KCNQ1: variants seen among roughly 807,000 people sequenced by gnomAD.
The protein encoded by KCNQ1 is potassium voltage-gated channel subfamily Q member 1, also known as potassium voltage-gated channel subfamily KQT member 1.
A neutral mutation model predicts 72.4 loss-of-function variants in KCNQ1; 49 were observed. The observed-to-expected ratio is 0.68, with a 90% confidence interval of 0.54 to 0.86. The LOEUF (loss-of-function observed/expected upper bound fraction) is 0.86, where lower values mean the gene tolerates loss of function less well. KCNQ1 is among the 40% of genes least tolerant of loss of function. KCNQ1 has a pLI of 0.00. For synonymous variants in KCNQ1, 450 were observed against 412.6 expected (o/e 1.09, Z -1.10); for missense variants, 790 against 945.1 (o/e 0.84, Z 2.15).
chr11:2,847,888 C>A lies in KCNQ1; in HGVS notation c.1916C>A (p.Thr639Asn), dbSNP rs1248824762. Reference protein sequence around the residue: ...GPPREGGAHITQPCGSGGSVD... With the variant: ...GPPREGGAHINQPCGSGGSVD... Reference sequence around the variant, plus strand: ...CCCAGAGAGGGCGGGGCCCACATCACCCAGCCCTGCGGCAGTGGCGGCTCC... The same window carrying A: ...CCCAGAGAGGGCGGGGCCCACATCAACCAGCCCTGCGGCAGTGGCGGCTCC... The change falls in exon 16 of 16, where the codon ACC becomes AAC. Residue 639 changes from threonine (T) to asparagine (N), a missense_variant. Coordinates refer to ENST00000155840, the MANE Select transcript of KCNQ1 (RefSeq NM_000218.3). 1 of 1,582,978 alleles carries A rather than the reference C, an allele frequency of 6.3e-7. No individual in the cohort carries two copies.
At chr11:2,743,472 C>T (rs1313967759) in intron 11 of KCNQ1, among the ~76,000 whole-genome samples, 2 of 152,334 alleles carry the variant, frequency 1.3e-5, no homozygotes, top group South Asian at 2.1e-4. Context: ...TGTCAGTTTG[C>T]CTGCCGGCTG....
rs548105926 is a variant in KCNQ1 at position 2,497,844 on chromosome 11, G to C, written c.387-30084G>C. Among the ~76,000 whole-genome samples, 87 of 152,132 alleles carry C rather than the reference G, an allele frequency of 5.7e-4. No individual in the cohort carries two copies. Among genetic ancestry groups the C allele is most frequent in the Non-Finnish European group, 1.1e-3 (72 of 68,028 alleles). Reference sequence around the variant, plus strand: ...CTTTGAGGCTGATGACCTTTGGATGGGGTTTTTGTGTGGGGGGTCCCTTTT... The same window carrying C: ...CTTTGAGGCTGATGACCTTTGGATGCGGTTTTTGTGTGGGGGGTCCCTTTT... On this transcript the variant is annotated intron_variant, in intron 1 of 15. Coordinates refer to ENST00000155840, the MANE Select transcript of KCNQ1 (RefSeq NM_000218.3). This position sits in a 1 kb window ranked among gnomAD's most constrained non-coding sequence, Gnocchi z 4.5.
chr11:2,709,533 GTTT>G (rs1406729511), intron 11 of KCNQ1, among the ~76,000 whole-genome samples: 1 of 152,048 alleles, frequency 6.6e-6, no homozygotes, highest in Non-Finnish European at 1.5e-5. Flanking sequence ...CGATTCAACG[GTTT>G]TTAGTACGTT....
At position 2,787,760 on chromosome 11, in the gene KCNQ1, G is replaced by T. The variant is rs894743616; in HGVS notation, c.1794+9723G>T. ...AGTTTTCATGAGAACGACTTGGTCT[G>T]TATTTAGATTTCATAAAATTTACCA... On this transcript the variant is annotated intron_variant, in intron 15 of 15. Coordinates refer to ENST00000155840, the MANE Select transcript of KCNQ1 (RefSeq NM_000218.3). This position sits in a 1 kb window ranked among gnomAD's most constrained non-coding sequence, Gnocchi z 6.3. Among the ~76,000 whole-genome samples the T allele has an allele frequency of 5.9e-5, 9 of 152,138 alleles. No individual in the cohort carries two copies. Among genetic ancestry groups the T allele is most frequent in the Non-Finnish European group, 1.3e-4 (9 of 68,028 alleles).
rs887651945 is a variant in KCNQ1, at chr11:2,471,803, T to C, written c.386+26319T>C. 6.6e-6 allele frequency among the ~76,000 whole-genome samples: 1 copy of C among 151,934 alleles called. No individual in the cohort carries two copies. Among genetic ancestry groups the C allele is most frequent in the African/African-American group, 2.4e-5 (1 of 41,308 alleles). On this transcript the variant is annotated intron_variant, in intron 1 of 15. Coordinates refer to ENST00000155840, the MANE Select transcript of KCNQ1 (RefSeq NM_000218.3). The surrounding 1 kb of genome is among the most constrained non-coding windows in gnomAD (Gnocchi z 4.8). Reference sequence around the variant, plus strand: ...GTGATTGGGTGTGTGCATGTGTATATAGGTGTGTGTGCACGTGTATGGGTG... The same window carrying C: ...GTGATTGGGTGTGTGCATGTGTATACAGGTGTGTGTGCACGTGTATGGGTG...
rs1198599072 is a variant in KCNQ1 at position 2,713,672 on chromosome 11, C to T, written c.1514+51591C>T. ...CTGGAGGCCACAGCCACAGGCTCTG[C>T]GGGCCTCTGGCCGAGCTGGGTTGCA... On this transcript the variant is annotated intron_variant, in intron 11 of 15. Transcript: ENST00000155840. This position sits in a 1 kb window ranked among gnomAD's most constrained non-coding sequence, Gnocchi z 5.6. Among the ~76,000 whole-genome samples the T allele has an allele frequency of 6.6e-6, 1 of 152,102 alleles. No homozygotes were observed. The highest frequency in any genetic ancestry group is 1.5e-5 in the Non-Finnish European group (1 of 68,004).
chr11:2,633,289 C>A (rs2133818987), intron 10 of KCNQ1: 1 of 398,472 alleles, frequency 2.5e-6, no homozygotes, highest in East Asian at 3.6e-5. Flanking sequence ...GGATATTAAT[C>A]CCTTGTCAGA....
intron 15 of KCNQ1, among the ~76,000 whole-genome samples, chr11:2,806,371 C>A (rs1479426991): frequency 1.3e-5 from 2 of 152,148 alleles, no homozygotes; most frequent in East Asian, 3.9e-4. Context: ...GGACGCTAGC[C>A]CCTCCGTAAT....
At chr11:2,847,318 C>A (rs1490648694) in intron 15 of KCNQ1, among the ~76,000 whole-genome samples, 1 of 152,248 alleles carries the variant, frequency 6.6e-6, no homozygotes, top group African/African-American at 2.4e-5. Context: ...TAGCCCCCAG[C>A]CTTTCTTGAC....
Position 2,677,561 on chromosome 11 carries a change from C to T in KCNQ1, c.1514+15480C>T, listed in dbSNP as rs922023094. The T allele has an allele frequency of 5.0e-6, 2 of 398,396 alleles. No homozygotes were observed. The highest frequency in any genetic ancestry group is 4.4e-5 in the Admixed American group (1 of 22,704). 24.7% of individuals were successfully genotyped at this position (398,396 alleles called of 1,614,324 possible). A position where few individuals can be genotyped will look rare whatever the true frequency, so the allele number is the denominator to read the frequency against. On this transcript the variant is annotated intron_variant, in intron 11 of 15. Coordinates refer to ENST00000155840, the MANE Select transcript of KCNQ1 (RefSeq NM_000218.3). This position sits in a 1 kb window ranked among gnomAD's most constrained non-coding sequence, Gnocchi z 4.5. ...TATAAAAGATGCCCTCAGATGTTAC[C>T]ATATAATGCTTTACAAAAGACAAAC...
At position 2,670,415 on chromosome 11, in the gene KCNQ1, T is replaced by G; in HGVS notation, c.1514+8334T>G. On this transcript the variant is annotated intron_variant, in intron 11 of 15. Transcript: ENST00000155840. The surrounding 1 kb of genome is among the most constrained non-coding windows in gnomAD (Gnocchi z 4.9). The stretch of plus-strand genomic sequence containing the variant: ...AGACACCTACTATGTGTATTTCTTG[T>G]GTTGGGGTTAGGAGATACTGCTGTT... 1 of 398,072 alleles carries G rather than the reference T, an allele frequency of 2.5e-6. No individual in the cohort carries two copies. Among genetic ancestry groups the G allele is most frequent in the Non-Finnish European group, 4.4e-6 (1 of 225,970 alleles). 24.7% of individuals were successfully genotyped at this position (398,072 alleles called of 1,614,324 possible). A position where few individuals can be genotyped will look rare whatever the true frequency, so the allele number is the denominator to read the frequency against.
At chr11:2,665,017 A>G (rs1850039351) in intron 11 of KCNQ1, 3 of 398,358 alleles carry the variant, frequency 7.5e-6, no homozygotes, top group Non-Finnish European at 1.3e-5. Context: ...TGTTAGCCAG[A>G]GGTGGGGTGG....
At position 2,819,979 on chromosome 11, in the gene KCNQ1, T is replaced by G. The variant is rs1847698118; in HGVS notation, c.1795-27788T>G. ...AGTATTCATTCCTAATTCTTATTTG[T>G]TACTTTACTTGCTTAAGGTTTATCT... On this transcript the variant is annotated intron_variant, in intron 15 of 15. Coordinates refer to ENST00000155840, the MANE Select transcript of KCNQ1 (RefSeq NM_000218.3). Among the ~76,000 whole-genome samples, 5 of 152,388 alleles carry G rather than the reference T, an allele frequency of 3.3e-5. No individual in the cohort carries two copies. In the South Asian group the frequency reaches 1.0e-3, roughly 32 times the overall value.
intron 7 of KCNQ1, among the ~76,000 whole-genome samples, chr11:2,583,847 C>G (rs1848542692): frequency 6.6e-6 from 1 of 152,194 alleles, no homozygotes; most frequent in Admixed American, 6.5e-5. Flanking sequence ...GGCAATGCTG[C>G]TACCACGCCC....
intron 10 of KCNQ1, chr11:2,643,547 G>A (rs1342769021): frequency 2.5e-6 from 1 of 398,306 alleles, no homozygotes; most frequent in Non-Finnish European, 4.4e-6. Context: ...TGTCTTTACA[G>A]GTGAGATGCG....
chr11:2,741,988 C>T (rs568996312), intron 11 of KCNQ1, among the ~76,000 whole-genome samples: 13 of 152,376 alleles, frequency 8.5e-5, no homozygotes, highest in African/African-American at 3.1e-4. Flanking sequence ...CCTTGTAACC[C>T]CCAGAACTCT....
rs1230482776 is a variant in KCNQ1 at position 2,703,380 on chromosome 11, G to A, written c.1514+41299G>A. ...CAGGTCCCATTCTCCTTTTGTGTCT[G>A]GTTTGCCTCATCTGTACATGGTAGG... is the stretch of plus-strand genomic sequence containing the variant. On this transcript the variant is annotated intron_variant, in intron 11 of 15. Transcript: ENST00000155840. This position sits in a 1 kb window ranked among gnomAD's most constrained non-coding sequence, Gnocchi z 6.4. Among the ~76,000 whole-genome samples, 1 of 152,124 alleles carries A rather than the reference G, an allele frequency of 6.6e-6. No individual in the cohort carries two copies.
chr11:2,503,858 A>G (rs1274872044), intron 1 of KCNQ1, among the ~76,000 whole-genome samples: 1 of 152,226 alleles, frequency 6.6e-6, no homozygotes, highest in African/African-American at 2.4e-5. Context: ...TGTGGAGAAA[A>G]GGGAATCCTT....
Position 2,704,387 on chromosome 11 carries a change from A to G in KCNQ1, c.1514+42306A>G, listed in dbSNP as rs188376671. ...ACGGCTATTCCTTTGAGACATGTTTACTTGACTTCCTGCCCCAGGTCTCTG... is the reference window on the plus strand; with the variant it reads ...ACGGCTATTCCTTTGAGACATGTTTGCTTGACTTCCTGCCCCAGGTCTCTG... On this transcript the variant is annotated intron_variant, in intron 11 of 15. Transcript: ENST00000155840. This position sits in a 1 kb window ranked among gnomAD's most constrained non-coding sequence, Gnocchi z 4.3. Among the ~76,000 whole-genome samples the G allele has an allele frequency of 1.2e-3, 180 of 152,218 alleles. No individual in the cohort carries two copies. Among genetic ancestry groups the G allele is most frequent in the African/African-American group, 4.1e-3 (172 of 41,540 alleles).
Sources: gnomAD v4.1 joint callset for allele counts (sites outside exome capture counted in the v4.1 genomes callset) on GRCh38, gnomAD v4.1.1 for gene constraint, Gnocchi (gnomAD v3.1) non-coding constraint, MANE v1.5 for transcripts, NCBI Gene and HGNC (gene_info 2026-07-23, HGNC 2026-07-21) for gene names.